The following CORO2B variants were observed in gnomAD, a reference collection of about 807,000 sequenced individuals.
CORO2B encodes coronin-2B.
In CORO2B, 26 loss-of-function variants were observed where a neutral mutation model predicts 58.8. The ratio of observed to expected loss-of-function variants is 0.44; its 90% confidence interval spans 0.32 to 0.61. The LOEUF (loss-of-function observed/expected upper bound fraction) is 0.61. Ranked by LOEUF, CORO2B falls within the 20% of genes least tolerant of loss-of-function variation. The probability of loss-of-function intolerance (pLI) is 0.04; values close to 1 mark genes in which losing one functional copy is unlikely to be tolerated. For synonymous variants in CORO2B, 242 were observed against 253.8 expected (o/e 0.95, Z 0.44); for missense variants, 460 against 645.1 (o/e 0.71, Z 3.11).
chr15:68,604,055 C>T (rs1555410831), intron 1 of CORO2B, among the ~76,000 whole-genome samples: 1 of 152,174 alleles, frequency 6.6e-6, no homozygotes, highest in Non-Finnish European at 1.5e-5. Context: ...ATTCTTACCC[C>T]ATAGAAGCGT....
intron 1 of CORO2B, among the ~76,000 whole-genome samples, chr15:68,597,968 G>C (rs993460176): frequency 1.6e-4 from 25 of 152,236 alleles, no homozygotes; most frequent in Non-Finnish European, 2.9e-4. Flanking sequence ...CTGTGGGGGT[G>C]GGTATGAGTT....
At chr15:68,608,739 C>A (rs925370384) in intron 1 of CORO2B, among the ~76,000 whole-genome samples, 4 of 152,190 alleles carry the variant, frequency 2.6e-5, no homozygotes, top group Non-Finnish European at 5.9e-5. Context: ...TTCTCCACCC[C>A]TCCCCTGCCC....
chr15:68,650,954 C>T (rs910802763), intron 2 of CORO2B, among the ~76,000 whole-genome samples: 2 of 152,130 alleles, frequency 1.3e-5, no homozygotes, highest in Non-Finnish European at 2.9e-5. Flanking sequence ...CTGCCTTGAA[C>T]ATCAGCCCTC....
chr15:68,576,022 G>A (rs773715582), upstream of CORO2B, among the ~76,000 whole-genome samples: 3 of 151,260 alleles, frequency 2.0e-5, no homozygotes, highest in Non-Finnish European at 4.4e-5. Flanking sequence ...GTGGGGTGGC[G>A]GGCACCTGTA....
intron 1 of CORO2B, among the ~76,000 whole-genome samples, chr15:68,625,270 ATT>A (rs112881977): frequency 1.3e-5 from 2 of 149,320 alleles, no homozygotes; most frequent in African/African-American, 4.9e-5. Context: ...TCTTCAGCTA[ATT>A]TTTTTTTTTA....
rs767469787 is a variant in CORO2B, at chr15:68,714,668, T to C, written c.870+5T>C. 2.5e-6 allele frequency: 4 copies of C among 1,610,504 alleles called. No homozygotes were observed. Among genetic ancestry groups the C allele is most frequent in the Non-Finnish European group, 2.5e-6 (3 of 1,177,018 alleles). On this transcript the variant is annotated splice_donor_5th_base_variant and intron_variant, in intron 7 of 11. Transcript: ENST00000261861. ...ATGCTCTACCTGGCTGGAAAGGTAG[T>C]AGGAGGTGGGGGAGGGCCCGGGGCA...
intron 2 of CORO2B, among the ~76,000 whole-genome samples, chr15:68,659,267 T>C (rs1359407970): frequency 3.3e-5 from 5 of 152,210 alleles, no homozygotes; most frequent in African/African-American, 4.8e-5. Context: ...CCCTGCACCA[T>C]TGAAAATCCA....
intron 1 of CORO2B, among the ~76,000 whole-genome samples, chr15:68,623,879 C>A (rs1900598969): frequency 6.6e-6 from 1 of 152,188 alleles, no homozygotes; most frequent in Non-Finnish European, 1.5e-5. Flanking sequence ...CTTCTCTCTG[C>A]AGCTGAGCGT....
At chr15:68,657,327 G>T (rs1198012987) in intron 2 of CORO2B, among the ~76,000 whole-genome samples, 1 of 151,918 alleles carries the variant, frequency 6.6e-6, no homozygotes, top group Non-Finnish European at 1.5e-5. Flanking sequence ...GACCAACCTG[G>T]GCAACATAGC....
At chr15:68,715,175 T>C in intron 7 of CORO2B, 40 bp from the exon 8 acceptor site, 6 of 1,579,096 alleles carry the variant, frequency 3.8e-6, no homozygotes, top group Non-Finnish European at 2.6e-6. Context: ...CTGCCCTCCC[T>C]ACCTGCCACC....
the CORO2B span, among the ~76,000 whole-genome samples, chr15:68,544,064 A>G: frequency 2.6e-5 from 4 of 152,174 alleles, no homozygotes; most frequent in African/African-American, 9.7e-5. Context: ...CACCTTGGTG[A>G]CCACCCCAGC....
intron 2 of CORO2B, among the ~76,000 whole-genome samples, chr15:68,660,262 C>A (rs1901970552): frequency 6.6e-6 from 1 of 152,232 alleles, no homozygotes. Flanking sequence ...GCTGCTTCTT[C>A]TATGTCTTCT....
At position 68,579,115 on chromosome 15, in the gene CORO2B, G is replaced by C. The variant is rs368148137; in HGVS notation, c.-148G>C. ...GCGGTCCCTGCGCGCTGCCCGCCCGGAGCGCAGCCCCCAGGCTCGGCCGAG... is the reference window on the plus strand; with the variant it reads ...GCGGTCCCTGCGCGCTGCCCGCCCGCAGCGCAGCCCCCAGGCTCGGCCGAG... On this transcript the variant is annotated 5_prime_UTR_variant, in exon 1 of 12. Coordinates refer to ENST00000261861, the MANE Select transcript of CORO2B (RefSeq NM_006091.5). 6.4e-5 allele frequency: 63 copies of C among 982,284 alleles called. 2 individuals carry two copies. In the East Asian group the frequency reaches 1.6e-3, roughly 25 times the overall value. The allele number at this position is 982,284 out of a possible 1,614,324, so 60.8% of individuals were successfully genotyped here. A position where few individuals can be genotyped will look rare whatever the true frequency, so the allele number is the denominator to read the frequency against.
chr15:68,639,102 A>G (rs1356868516), intron 1 of CORO2B, among the ~76,000 whole-genome samples: 4 of 152,218 alleles, frequency 2.6e-5, no homozygotes, highest in Non-Finnish European at 5.9e-5. Context: ...AGGGCAGCAC[A>G]TCAGCCTGAA....
At chr15:68,649,496 A>T (rs941328671) in intron 2 of CORO2B, among the ~76,000 whole-genome samples, 3 of 152,214 alleles carry the variant, frequency 2.0e-5, no homozygotes, top group African/African-American at 7.2e-5. Context: ...GACACTATGC[A>T]GTCATTAAAA....
the CORO2B span, among the ~76,000 whole-genome samples, chr15:68,552,295 A>G: frequency 6.6e-6 from 1 of 152,152 alleles, no homozygotes; most frequent in Non-Finnish European, 1.5e-5. Context: ...CTTGGCCCCC[A>G]TCTCTTCTGA....
chr15:68,655,155 T>C (rs748547562), intron 2 of CORO2B, among the ~76,000 whole-genome samples: 13 of 152,158 alleles, frequency 8.5e-5, no homozygotes, highest in African/African-American at 2.7e-4. Flanking sequence ...AGGGAAGGCA[T>C]GTAAAGGTTT....
intron 1 of CORO2B, among the ~76,000 whole-genome samples, chr15:68,613,970 T>A (rs1267011402): frequency 6.6e-6 from 1 of 152,254 alleles, no homozygotes; most frequent in East Asian, 1.9e-4. Context: ...TAGCCACCAG[T>A]GTGTGGTACC....
chr15:68,688,618 C>A (rs1055895634), intron 2 of CORO2B, among the ~76,000 whole-genome samples: 1 of 152,168 alleles, frequency 6.6e-6, no homozygotes, highest in Non-Finnish European at 1.5e-5. Flanking sequence ...AAGCGTAGAT[C>A]TTTAGCAATG....
Sources: gnomAD v4.1 joint callset for allele counts (sites outside exome capture counted in the v4.1 genomes callset) on GRCh38, gnomAD v4.1.1 for gene constraint, MANE v1.5 for transcripts, NCBI Gene and HGNC (gene_info 2026-07-23, HGNC 2026-07-21) for gene names.